Variants in LINGO2 observed in about 807,000 individuals in gnomAD.
LINGO2 encodes the protein leucine rich repeat and Ig domain containing 2.
A neutral mutation model predicts 30.6 loss-of-function variants in LINGO2; 14 were observed. The observed-to-expected ratio is 0.46, with a 90% CI of 0.30 to 0.72. The LOEUF (loss-of-function observed/expected upper bound fraction) is 0.72. LINGO2 is among the 30% of genes least tolerant of loss of function. The pLI is 0.07. For synonymous variants in LINGO2, 317 were observed against 288.5 expected, an observed-to-expected ratio of 1.10 and a Z score of -1.00; for missense variants, 729 against 751.7, an observed-to-expected ratio of 0.97 and a Z score of 0.35.
chr9:28,546,053 T>A (rs747345984), intron 1 of LINGO2, among the ~76,000 whole-genome samples: 12 of 152,072 alleles, frequency 7.9e-5, no homozygotes, highest in Non-Finnish European at 1.8e-4. Flanking sequence ...AGACAAATAC[T>A]TCATGATCTC....
chr9:28,880,690 T>G, the LINGO2 span, among the ~76,000 whole-genome samples: 1 of 152,140 alleles, frequency 6.6e-6, no homozygotes, highest in Non-Finnish European at 1.5e-5. Flanking sequence ...CCTCTTGCAG[T>G]TGAGATAGAG....
intron 1 of LINGO2, among the ~76,000 whole-genome samples, chr9:28,641,700 T>C (rs892294769): frequency 1.3e-5 from 2 of 152,168 alleles, no homozygotes; most frequent in African/African-American, 2.4e-5. Flanking sequence ...TACCAAGAGA[T>C]AAAGATGCGG....
At chr9:28,626,986 G>A (rs931993373) in intron 1 of LINGO2, among the ~76,000 whole-genome samples, 1 of 151,204 alleles carries the variant, frequency 6.6e-6, no homozygotes, top group African/African-American at 2.4e-5. Context: ...CATTTCTCCT[G>A]GGCTACATCA....
intron 1 of LINGO2, among the ~76,000 whole-genome samples, chr9:28,611,852 G>T (rs528558862): frequency 6.6e-6 from 1 of 150,782 alleles, no homozygotes; most frequent in Admixed American, 6.6e-5. Context: ...ACAGAGTCAC[G>T]CTCTGTCGCC....
At chr9:28,562,339 G>A (rs775747075) in intron 1 of LINGO2, among the ~76,000 whole-genome samples, 10 of 149,916 alleles carry the variant, frequency 6.7e-5, no homozygotes, top group African/African-American at 9.8e-5. Flanking sequence ...TTTCCTGACC[G>A]CCAGTTTCAC....
At chr9:28,947,702 AC>A in the LINGO2 span, among the ~76,000 whole-genome samples, 1 of 151,374 alleles carries the variant, frequency 6.6e-6, no homozygotes, top group Non-Finnish European at 1.5e-5. Flanking sequence ...ACACATATAC[AC>A]GTCTGTATAT....
chr9:29,181,003 A>G, the LINGO2 span, among the ~76,000 whole-genome samples: 1 of 152,198 alleles, frequency 6.6e-6, no homozygotes, highest in African/African-American at 2.4e-5. Context: ...TCTGGTTAGA[A>G]TTTACTCCTT....
At chr9:28,877,951 T>C in the LINGO2 span, among the ~76,000 whole-genome samples, 2 of 152,278 alleles carry the variant, frequency 1.3e-5, no homozygotes, top group African/African-American at 2.4e-5. Context: ...GTAGTTCTCC[T>C]TGAAGAGGTC....
intron 2 of LINGO2, among the ~76,000 whole-genome samples, chr9:28,470,670 G>A (rs971677935): frequency 2.0e-5 from 3 of 151,900 alleles, no homozygotes; most frequent in Non-Finnish European, 2.9e-5. Flanking sequence ...TCTAATCATC[G>A]CCATTCAGCT....
At chr9:28,841,164 A>G in the LINGO2 span, among the ~76,000 whole-genome samples, 1 of 151,972 alleles carries the variant, frequency 6.6e-6, no homozygotes, top group Admixed American at 6.5e-5. Context: ...TAGTGTCTAT[A>G]TACTACAATA....
intron 1 of LINGO2, among the ~76,000 whole-genome samples, chr9:28,663,995 A>G (rs576188891): frequency 6.6e-6 from 1 of 152,302 alleles, no homozygotes; most frequent in East Asian, 1.9e-4. Context: ...ATGAGGAACA[A>G]AAATGTTATC....
chr9:28,138,191 C>A (rs1014028590), intron 4 of LINGO2, among the ~76,000 whole-genome samples: 2 of 152,188 alleles, frequency 1.3e-5, no homozygotes, highest in Admixed American at 6.5e-5. Context: ...TCTCAAGACT[C>A]TGGTCTGCAC....
chr9:28,731,941 T>C, the LINGO2 span, among the ~76,000 whole-genome samples: 1 of 152,098 alleles, frequency 6.6e-6, no homozygotes, highest in Non-Finnish European at 1.5e-5. Flanking sequence ...TTCTAGAACT[T>C]AGAGAAAGAT....
At chr9:28,956,857 A>G in the LINGO2 span, among the ~76,000 whole-genome samples, 2 of 150,170 alleles carry the variant, frequency 1.3e-5, no homozygotes, top group Admixed American at 6.7e-5. Flanking sequence ...GACTACCACA[A>G]TGAAAGAAAA....
chr9:29,018,023 C>CAT, the LINGO2 span, among the ~76,000 whole-genome samples: 1,048 of 92,286 alleles, frequency 0.011, 3 homozygotes, highest in African/African-American at 0.023. Flanking sequence ...TATAAATCTG[C>CAT]ATATATATAT....
chr9:28,842,006 C>T, the LINGO2 span, among the ~76,000 whole-genome samples: 1 of 151,758 alleles, frequency 6.6e-6, no homozygotes, highest in Non-Finnish European at 1.5e-5. Context: ...GAAAACACTT[C>T]CTACTTCTCA....
At chr9:28,239,969 C>A (rs1356340748) in intron 4 of LINGO2, among the ~76,000 whole-genome samples, 1 of 152,012 alleles carries the variant, frequency 6.6e-6, no homozygotes, top group Admixed American at 6.6e-5. Flanking sequence ...TAAAAATTAG[C>A]AGCACTTCTG....
At chr9:28,012,371 T>C (rs1230964471) in exon 5 of LINGO2, 1 of 151,528 alleles carries the variant, frequency 6.6e-6, no homozygotes, top group African/African-American at 2.4e-5. Flanking sequence ...TTTTTGCATG[T>C]GGCCAAAAGG....
the LINGO2 span, among the ~76,000 whole-genome samples, chr9:29,103,066 T>C: frequency 6.6e-6 from 1 of 152,132 alleles, no homozygotes; most frequent in Non-Finnish European, 1.5e-5. Flanking sequence ...GAAACAGAAA[T>C]GAATTTCTAT....
Sources: gnomAD v4.1 joint callset for allele counts (sites outside exome capture counted in the v4.1 genomes callset) on GRCh38, gnomAD v4.1.1 for gene constraint, MANE v1.5 for transcripts, NCBI Gene and HGNC (gene_info 2026-07-23, HGNC 2026-07-21) for gene names.